PTGFR: variants seen among roughly 807,000 people sequenced by gnomAD.
PTGFR encodes the protein prostaglandin F receptor.
In PTGFR, 15 loss-of-function variants were observed where a neutral mutation model predicts 26.2. The observed-to-expected ratio is 0.57, with a 90% CI of 0.38 to 0.88. PTGFR has a LOEUF of 0.88. Among genes scored for constraint, PTGFR ranks in the 40% least tolerant of loss-of-function variants. The pLI is 0.00. For synonymous variants in PTGFR, 165 were observed against 151.1 expected, an observed-to-expected ratio of 1.09 and a Z score of -0.68; for missense variants, 369 against 427.2, an observed-to-expected ratio of 0.86 and a Z score of 1.20.
At chr1:78,533,020 TTG>T (rs1322238273) in intron 2 of PTGFR, among the ~76,000 whole-genome samples, 1 of 152,126 alleles carries the variant, frequency 6.6e-6, no homozygotes, top group African/African-American at 2.4e-5. Flanking sequence ...CCATTGAGCT[TTG>T]TAGTTATTGG....
In PTGFR at chr1:78,494,001, A is replaced by G. The variant is rs79337504; in HGVS notation, c.798+460A>G. On this transcript the variant is annotated intron_variant, in intron 2 of 2. Coordinates refer to ENST00000370757, the MANE Select transcript of PTGFR (RefSeq NM_000959.4). ...CTGCAAAGGGTGGTGCTGAACTGAG[A>G]TAGGTGGATAGTTCAGGTGTACTGC... Among the ~76,000 whole-genome samples the G allele has an allele frequency of 4.9e-3, 747 of 152,368 alleles. 5 individuals are homozygous for G. The highest frequency in any genetic ancestry group is 0.027 in the Middle Eastern group (8 of 294).
At position 78,502,846 on chromosome 1, in the gene PTGFR, A is replaced by C. The variant is rs183228144; in HGVS notation, c.798+9305A>C. On this transcript the variant is annotated intron_variant, in intron 2 of 2. Transcript: ENST00000370757. The stretch of plus-strand genomic sequence containing the variant: ...AATGTCTATGGCCTTAAACAATAGT[A>C]CTTATAAGATAAAAAGAGAAGAGAT... Among the ~76,000 whole-genome samples, 5 of 152,278 alleles carry C rather than the reference A, an allele frequency of 3.3e-5. No homozygotes were observed. The East Asian group carries it at 9.6e-4, about 29-fold the overall frequency.
rs566591049 is a variant in PTGFR, at chr1:78,537,337, T to C, written c.*650T>C. 6.6e-6 allele frequency: 1 copy of C among 152,238 alleles called. No homozygotes were observed. Among genetic ancestry groups the C allele is most frequent in the African/African-American group, 2.4e-5 (1 of 41,550 alleles). The allele number at this position is 152,238 out of a possible 1,614,324, so 9.4% of individuals were successfully genotyped here. On this transcript the variant is annotated 3_prime_UTR_variant, in exon 3 of 3. Coordinates refer to ENST00000370757, the MANE Select transcript of PTGFR (RefSeq NM_000959.4). ...CATTTATTATTATGAAGGTCGATTG[T>C]TGTTGGAAGTGTTTTTTCATGTCAT...
At chr1:78,510,083 C>A (rs1237644391) in intron 2 of PTGFR, among the ~76,000 whole-genome samples, 1 of 152,184 alleles carries the variant, frequency 6.6e-6, no homozygotes, top group African/African-American at 2.4e-5. Context: ...AAAAATCATG[C>A]ATCACAGTGA....
intron 2 of PTGFR, chr1:78,497,866 C>T (rs751294805): frequency 6.4e-7 from 1 of 1,563,766 alleles, no homozygotes. Flanking sequence ...GTTTTACCTT[C>T]TCTTCAGGGA....
At position 78,515,046 on chromosome 1, in the gene PTGFR, AT is replaced by A. The variant is rs540597508; in HGVS notation, c.799-21350del. ...CTTTATAAATTACGCAGTTTCAGGTATTTTTTTTTTATAGCAGTGTAAAAAT... is the reference window on the plus strand; with the variant it reads ...CTTTATAAATTACGCAGTTTCAGGTATTTTTTTTTATAGCAGTGTAAAAAT... On this transcript the variant is annotated intron_variant, in intron 2 of 2. Transcript: ENST00000370757. Among the ~76,000 whole-genome samples the A allele has an allele frequency of 6.7e-4, 101 of 149,630 alleles. No individual in the cohort carries two copies. The Middle Eastern group carries it at 0.018, about 26-fold the overall frequency.
chr1:78,509,720 G>A (rs753263795), intron 2 of PTGFR, among the ~76,000 whole-genome samples: 10 of 152,194 alleles, frequency 6.6e-5, no homozygotes, highest in Non-Finnish European at 1.3e-4. Flanking sequence ...CTTTCTGCTA[G>A]TTGCCCAATT....
intron 2 of PTGFR, among the ~76,000 whole-genome samples, chr1:78,516,288 A>G (rs1012815540): frequency 3.9e-5 from 6 of 152,220 alleles, no homozygotes; most frequent in African/African-American, 1.4e-4. Flanking sequence ...ATACAATCAT[A>G]TAACACAACA....
At chr1:78,534,184 G>A (rs949360103) in intron 2 of PTGFR, among the ~76,000 whole-genome samples, 1 of 152,144 alleles carries the variant, frequency 6.6e-6, no homozygotes, top group Non-Finnish European at 1.5e-5. Flanking sequence ...CTTGGAAACT[G>A]TATGAAAGAC....
chr1:78,522,793 T>C lies in PTGFR; in HGVS notation c.799-13613T>C, dbSNP rs577592987. ...ATCTGTTTTTTCTAAAAAAACAGTT[T>C]GACTTTGTGAACCCAATTTATCTTA... On this transcript the variant is annotated intron_variant, in intron 2 of 2. Coordinates refer to ENST00000370757, the MANE Select transcript of PTGFR (RefSeq NM_000959.4). 7.9e-5 allele frequency among the ~76,000 whole-genome samples: 12 copies of C among 152,222 alleles called. No homozygotes were observed. The East Asian group carries it at 9.7e-4, about 12-fold the overall frequency.
intron 2 of PTGFR, among the ~76,000 whole-genome samples, chr1:78,502,075 T>C (rs779785811): frequency 7.2e-5 from 11 of 152,174 alleles, no homozygotes; most frequent in Non-Finnish European, 7.4e-5. Context: ...GCTCATAGCT[T>C]CAGAAAACTT....
At chr1:78,528,216 T>C (rs1650419891) in intron 2 of PTGFR, among the ~76,000 whole-genome samples, 2 of 141,378 alleles carry the variant, frequency 1.4e-5, no homozygotes, top group South Asian at 4.3e-4. Flanking sequence ...CTAAGAAAGA[T>C]GAATTTCAAT....
chr1:78,519,552 C>T (rs772453580), intron 2 of PTGFR, among the ~76,000 whole-genome samples: 5 of 151,970 alleles, frequency 3.3e-5, no homozygotes, highest in Admixed American at 6.6e-5. Context: ...CGTATGAAAA[C>T]GTTCAATGAG....
intron 2 of PTGFR, among the ~76,000 whole-genome samples, chr1:78,527,431 C>T (rs920534402): frequency 4.6e-5 from 7 of 151,894 alleles, no homozygotes; most frequent in South Asian, 2.1e-4. Flanking sequence ...TACCAGTAAA[C>T]GACTGCTTTC....
Position 78,536,853 on chromosome 1 carries a change from G to T in PTGFR, c.*166G>T. 1.3e-6 allele frequency: 1 copy of T among 789,902 alleles called. No homozygotes were observed. Among genetic ancestry groups the T allele is most frequent in the Non-Finnish European group, 1.9e-6 (1 of 526,070 alleles). 48.9% of individuals were successfully genotyped at this position (789,902 alleles called of 1,614,324 possible). A position where few individuals can be genotyped will look rare whatever the true frequency, so the allele number is the denominator to read the frequency against. On this transcript the variant is annotated 3_prime_UTR_variant, in exon 3 of 3. Transcript: ENST00000370757. ...GGTTTTGAAATTTGTCAAATAAACA[G>T]GATAACTGTACATTTTTCACTTGTT...
At chr1:78,510,415 A>G (rs1649936907) in intron 2 of PTGFR, among the ~76,000 whole-genome samples, 2 of 152,092 alleles carry the variant, frequency 1.3e-5, no homozygotes, top group Non-Finnish European at 1.5e-5. Flanking sequence ...ATATGTCAAG[A>G]GAGAGAGTAA....
intron 2 of PTGFR, among the ~76,000 whole-genome samples, chr1:78,533,947 C>G (rs1212789250): frequency 6.6e-6 from 1 of 152,094 alleles, no homozygotes; most frequent in East Asian, 1.9e-4. Flanking sequence ...CATATACTAT[C>G]CTTCCTCCAT....
intron 2 of PTGFR, among the ~76,000 whole-genome samples, chr1:78,494,095 G>T (rs1570266542): frequency 6.6e-6 from 1 of 152,230 alleles, no homozygotes; most frequent in East Asian, 1.9e-4. Context: ...CCAGGGAGAG[G>T]TATGTTTGGC....
intron 2 of PTGFR, among the ~76,000 whole-genome samples, chr1:78,523,599 T>C (rs1475777509): frequency 7.0e-6 from 1 of 142,830 alleles, no homozygotes; most frequent in Non-Finnish European, 1.6e-5. Flanking sequence ...GTAGGGTGGA[T>C]AGGATCTACA....
Sources: allele counts gnomAD v4.1 joint callset (sites outside exome capture counted in the v4.1 genomes callset), GRCh38; gene constraint gnomAD v4.1.1; transcripts MANE v1.5; gene names NCBI Gene and HGNC (gene_info 2026-07-23, HGNC 2026-07-21).